KDM4C: variants seen among roughly 807,000 people sequenced by gnomAD.
KDM4C encodes the protein lysine-specific demethylase 4C.
KDM4C carries 81 observed loss-of-function variants against 129.3 expected under a neutral mutation model. The ratio of observed to expected loss-of-function variants is 0.63; its 90% CI spans 0.52 to 0.75. The LOEUF (loss-of-function observed/expected upper bound fraction) is 0.75. Ranked by LOEUF, KDM4C falls within the 30% of genes least tolerant of loss-of-function variation. The pLI is 0.00. For missense variants in KDM4C, 1,457 were observed against 1,304.0 expected, an observed-to-expected ratio of 1.12 and a Z score of -1.81; for synonymous variants, 573 against 456.1, an observed-to-expected ratio of 1.26 and a Z score of -3.26.
At chr9:7,131,523 G>A (rs1050602722) in intron 19 of KDM4C, among the ~76,000 whole-genome samples, 1 of 152,140 alleles carries the variant, frequency 6.6e-6, no homozygotes, top group Non-Finnish European at 1.5e-5. Context: ...TCACCATGTT[G>A]CCCAGGCTGG....
intron 5 of KDM4C, among the ~76,000 whole-genome samples, chr9:6,862,314 A>G (rs1359187018): frequency 2.0e-5 from 3 of 152,118 alleles, no homozygotes; most frequent in Admixed American, 2.0e-4. Flanking sequence ...TACTTATGAA[A>G]TGTTTGATTT....
chr9:6,809,246 G>C (rs1028078183), intron 3 of KDM4C, among the ~76,000 whole-genome samples: 3 of 152,148 alleles, frequency 2.0e-5, no homozygotes, highest in African/African-American at 7.2e-5. Context: ...TATTAATCGA[G>C]AACATGAAAC....
At chr9:7,016,828 A>G (rs1283427350) in intron 15 of KDM4C, among the ~76,000 whole-genome samples, 1 of 151,932 alleles carries the variant, frequency 6.6e-6, no homozygotes, top group Non-Finnish European at 1.5e-5. Context: ...ATTTTTCTTC[A>G]TTTTCTTGTC....
intron 18 of KDM4C, among the ~76,000 whole-genome samples, chr9:7,120,068 G>T (rs1368730114): frequency 6.6e-6 from 1 of 151,986 alleles, no homozygotes; most frequent in Non-Finnish European, 1.5e-5. Context: ...TTCTAGTATT[G>T]CTCTTCCTCG....
At chr9:6,907,404 A>G (rs1818507097) in intron 8 of KDM4C, among the ~76,000 whole-genome samples, 1 of 152,142 alleles carries the variant, frequency 6.6e-6, no homozygotes, top group African/African-American at 2.4e-5. Context: ...GTCTATTTTC[A>G]TGTATTATTT....
chr9:7,113,311 A>G (rs1219467119), intron 18 of KDM4C, among the ~76,000 whole-genome samples: 1 of 152,240 alleles, frequency 6.6e-6, no homozygotes, highest in East Asian at 1.9e-4. Flanking sequence ...TTTGCCTGGA[A>G]GGAGGAATAT....
intron 15 of KDM4C, among the ~76,000 whole-genome samples, chr9:7,017,618 G>A (rs1193784689): frequency 6.6e-6 from 1 of 152,084 alleles, no homozygotes; most frequent in Non-Finnish European, 1.5e-5. Flanking sequence ...CTTTCAAGAG[G>A]AATCAGAACA....
At position 6,876,251 on chromosome 9, in the gene KDM4C, T is replaced by C. The variant is rs914112802; in HGVS notation, c.630-3761T>C. Among the ~76,000 whole-genome samples the C allele has an allele frequency of 1.7e-4, 26 of 152,194 alleles. 1 individual carries two copies. Among genetic ancestry groups the C allele is most frequent in the African/African-American group, 6.3e-4 (26 of 41,448 alleles). On this transcript the variant is annotated intron_variant, in intron 5 of 21. Coordinates refer to ENST00000381309, the MANE Select transcript of KDM4C (RefSeq NM_015061.6). ...TGTAGCCATCATTTACCCTTGATCTTAGCCAAAAGGCCGAGAAGTGATTTA... is the reference window on the plus strand; with the variant it reads ...TGTAGCCATCATTTACCCTTGATCTCAGCCAAAAGGCCGAGAAGTGATTTA...
intron 5 of KDM4C, among the ~76,000 whole-genome samples, chr9:6,872,326 A>T (rs986886408): frequency 6.6e-6 from 1 of 152,198 alleles, no homozygotes; most frequent in Admixed American, 6.5e-5. Context: ...TTGGCGGAGA[A>T]GATGAGAAAT....
chr9:7,121,312 C>T (rs1424669562), intron 18 of KDM4C, among the ~76,000 whole-genome samples: 1 of 152,160 alleles, frequency 6.6e-6, no homozygotes, highest in Non-Finnish European at 1.5e-5. Context: ...GGCCTGTGGT[C>T]AGTGTGATCT....
intron 15 of KDM4C, among the ~76,000 whole-genome samples, chr9:7,042,045 A>T (rs78487924): frequency 6.6e-6 from 1 of 152,022 alleles, no homozygotes; most frequent in East Asian, 1.9e-4. Flanking sequence ...TGGACTGACA[A>T]TGTTATATTT....
intron 8 of KDM4C, among the ~76,000 whole-genome samples, chr9:6,927,516 G>C (rs1459046345): frequency 6.6e-6 from 1 of 152,082 alleles, no homozygotes; most frequent in Non-Finnish European, 1.5e-5. Context: ...GGTGATAATG[G>C]AATTGATAAT....
chr9:6,863,973 T>C (rs368522633), intron 5 of KDM4C, among the ~76,000 whole-genome samples: 2 of 152,194 alleles, frequency 1.3e-5, no homozygotes, highest in African/African-American at 2.4e-5. Context: ...ACCTCCAACA[T>C]TGAGGATCAG....
chr9:7,085,295 AAAAC>A lies in KDM4C; in HGVS notation c.2425-18386_2425-18383del, dbSNP rs1181699730. Among the ~76,000 whole-genome samples the A allele has an allele frequency of 3.3e-5, 5 of 152,350 alleles. No homozygotes were observed. In the South Asian group the frequency reaches 8.3e-4, roughly 25 times the overall value. On this transcript the variant is annotated intron_variant, in intron 17 of 21. Transcript: ENST00000381309. Reference sequence around the variant, plus strand: ...TTCGGACCTCAGTTTCTTCATCTCTAAAACAAATGATTTTTTTTCAGTTGCAGAA... The same window carrying A: ...TTCGGACCTCAGTTTCTTCATCTCTAAAATGATTTTTTTTCAGTTGCAGAA...
chr9:6,838,835 ATC>A (rs2129743075), intron 4 of KDM4C, among the ~76,000 whole-genome samples: 1 of 152,322 alleles, frequency 6.6e-6, no homozygotes, highest in Non-Finnish European at 1.5e-5. Flanking sequence ...CTGCATACGG[ATC>A]TATTCTCATT....
At chr9:7,047,599 C>G (rs1054986651) in intron 16 of KDM4C, among the ~76,000 whole-genome samples, 1 of 151,658 alleles carries the variant, frequency 6.6e-6, no homozygotes, top group Non-Finnish European at 1.5e-5. Context: ...AGAGACATGT[C>G]AAAATAACCT....
At chr9:7,014,915 A>AACACACACACACACACACAC (rs55864882) in intron 14 of KDM4C, among the ~76,000 whole-genome samples, 12 of 146,168 alleles carry the variant, frequency 8.2e-5, no homozygotes, top group African/African-American at 2.3e-4. Flanking sequence ...GGCAATTTGT[A>AACACACACACACACACACAC]ACACACACAC....
intron 15 of KDM4C, among the ~76,000 whole-genome samples, chr9:7,028,587 G>A (rs1050510045): frequency 5.9e-5 from 9 of 151,944 alleles, no homozygotes; most frequent in African/African-American, 2.2e-4. Context: ...CAGCTGCCTC[G>A]ACTGGTGTCT....
chr9:6,980,809 A>G (rs972482985), intron 8 of KDM4C, 116 bp from the exon 9 acceptor site: 3 of 828,298 alleles, frequency 3.6e-6, no homozygotes, highest in Middle Eastern at 2.3e-4. Flanking sequence ...AATGTAATGC[A>G]TTATCCTCCA....
Sources: allele counts gnomAD v4.1 joint callset (sites outside exome capture counted in the v4.1 genomes callset), GRCh38; gene constraint gnomAD v4.1.1; transcripts MANE v1.5; gene names NCBI Gene and HGNC (gene_info 2026-07-23, HGNC 2026-07-21).